Variants in IRAG1 observed in about 807,000 individuals in gnomAD.
IRAG1 encodes IP3R-associated cGMP kinase substrate.
In IRAG1, 62 loss-of-function variants were observed where a neutral mutation model predicts 106.2. The observed-to-expected ratio is 0.58, with a 90% confidence interval of 0.48 to 0.72. The LOEUF (loss-of-function observed/expected upper bound fraction) is 0.72. IRAG1 is among the 30% of genes least tolerant of loss of function. The probability of loss-of-function intolerance (pLI) is 0.00; values close to 1 mark genes in which losing one functional copy is unlikely to be tolerated. For missense variants in IRAG1, 1,064 were observed against 1,140.7 expected, an observed-to-expected ratio of 0.93 and a Z score of 0.97; for synonymous variants, 462 against 443.9, an observed-to-expected ratio of 1.04 and a Z score of -0.51.
In IRAG1 at chr11:10,610,591, C is replaced by G. The variant is rs112656783; in HGVS notation, c.1448-740G>C. 3.3e-5 allele frequency among the ~76,000 whole-genome samples: 5 copies of G among 152,362 alleles called. 1 individual carries two copies. The highest frequency in any genetic ancestry group is 1.2e-4 in the African/African-American group (5 of 41,590). On this transcript the variant is annotated intron_variant, in intron 10 of 20. Transcript: ENST00000423302. ...TCTAGCTCCATTTTTCCAACAAGCT[C>G]ACTGTGCTCCACTGTGGCCCATGGT... is the stretch of plus-strand genomic sequence containing the variant.
intron 15 of IRAG1, among the ~76,000 whole-genome samples, chr11:10,599,166 C>T (rs759379787): frequency 4.6e-5 from 7 of 152,204 alleles, no homozygotes; most frequent in African/African-American, 1.2e-4. Context: ...GTATTCTCCT[C>T]GGAAGTCTGC....
intron 3 of IRAG1, among the ~76,000 whole-genome samples, chr11:10,633,474 C>G (rs12360799): frequency 0.37 from 55,820 of 152,072 alleles, 10,750 homozygotes; most frequent in African/African-American, 0.39. Flanking sequence ...AGACATTCCT[C>G]TACCTGTGAG....
At chr11:10,678,992 T>C (rs1263261688) in intron 1 of IRAG1, among the ~76,000 whole-genome samples, 1 of 152,178 alleles carries the variant, frequency 6.6e-6, no homozygotes, top group Non-Finnish European at 1.5e-5. Flanking sequence ...GAGCTTCCCC[T>C]TCCCTTTCTC....
chr11:10,609,835 G>A lies in IRAG1; in HGVS notation c.1464C>T (p.Leu488=). The change falls in exon 11 of 21, where the codon CTC becomes CTT. Residue 488 remains leucine, a synonymous_variant. Transcript: ENST00000423302. ...AEQEKGLPSE[L]SPAIEEEESK... ...ACTCTTCTTCCTCAATAGCTGGGGA[G>A]AGTTCAGAAGGAAGCCCTGAAAAAA... 1 of 1,613,896 alleles carries A rather than the reference G, an allele frequency of 6.2e-7. No individual in the cohort carries two copies. The highest frequency in any genetic ancestry group is 1.1e-5 in the South Asian group (1 of 91,070).
At chr11:10,667,369 T>C (rs1042130496) in intron 1 of IRAG1, among the ~76,000 whole-genome samples, 9 of 152,062 alleles carry the variant, frequency 5.9e-5, no homozygotes, top group African/African-American at 2.2e-4. Flanking sequence ...GGCTTTGTGG[T>C]TGGGACTGGT....
intron 1 of IRAG1, among the ~76,000 whole-genome samples, chr11:10,682,437 T>C (rs764299205): frequency 1.3e-5 from 2 of 152,226 alleles, no homozygotes; most frequent in Non-Finnish European, 2.9e-5. Flanking sequence ...CAACAGATCC[T>C]TGATGTCTAT....
intron 18 of IRAG1, among the ~76,000 whole-genome samples, chr11:10,588,121 G>C (rs1356299551): frequency 3.3e-5 from 5 of 152,166 alleles, no homozygotes; most frequent in Non-Finnish European, 7.3e-5. Context: ...AATTACCATT[G>C]TCATCAGTGC....
intron 3 of IRAG1, 133 bp from the exon 4 acceptor site, chr11:10,632,194 T>C (rs1402973164): frequency 1.9e-5 from 11 of 583,804 alleles, no homozygotes; most frequent in East Asian, 6.9e-5. Context: ...TTCTTTCTTT[T>C]TTTTTTTTTT....
intron 11 of IRAG1, 40 bp downstream of exon 11, chr11:10,609,688 C>T: frequency 6.2e-7 from 1 of 1,603,024 alleles, no homozygotes; most frequent in East Asian, 2.2e-5. Flanking sequence ...ACAGGGGCCA[C>T]TCGGTACAGG....
At chr11:10,649,682 A>G (rs1858301087) in intron 2 of IRAG1, among the ~76,000 whole-genome samples, 1 of 152,144 alleles carries the variant, frequency 6.6e-6, no homozygotes, top group Non-Finnish European at 1.5e-5. Flanking sequence ...TTCAAAATGC[A>G]TATAGGTACA....
chr11:10,668,115 C>T (rs1859931117), intron 1 of IRAG1, among the ~76,000 whole-genome samples: 1 of 152,256 alleles, frequency 6.6e-6, no homozygotes, highest in Non-Finnish European at 1.5e-5. Context: ...CATCTGTCTC[C>T]ATGAAAGACC....
chr11:10,589,788 G>T (rs545678179), intron 18 of IRAG1, among the ~76,000 whole-genome samples: 2 of 152,308 alleles, frequency 1.3e-5, no homozygotes, highest in South Asian at 4.1e-4. Flanking sequence ...GCACTGGAAA[G>T]GTGATGCCAC....
intron 1 of IRAG1, among the ~76,000 whole-genome samples, chr11:10,670,672 G>A (rs1205630519): frequency 2.0e-5 from 3 of 152,188 alleles, no homozygotes; most frequent in African/African-American, 7.2e-5. Context: ...TGTATTTGGA[G>A]ACAGGGCCTT....
intron 9 of IRAG1, among the ~76,000 whole-genome samples, chr11:10,625,635 C>G (rs528480585): frequency 8.5e-5 from 13 of 152,172 alleles, no homozygotes; most frequent in African/African-American, 3.1e-4. Context: ...GCCACTGACT[C>G]CGGTTGGAGG....
chr11:10,604,978 T>C lies in IRAG1; in HGVS notation c.1603-433A>G, dbSNP rs111517771. ...GTATTGAAAGAAACTCCATGTGAGA[T>C]TTAAGCATTGTTGACGTAAAGCAAA... On this transcript the variant is annotated intron_variant, in intron 12 of 20. Transcript: ENST00000423302. Among the ~76,000 whole-genome samples the C allele has an allele frequency of 1.6e-3, 244 of 152,294 alleles. 2 individuals carry two copies. The highest frequency in any genetic ancestry group is 7.1e-3 in the East Asian group (37 of 5,192).
chr11:10,623,611 G>C (rs1464913429), intron 10 of IRAG1, among the ~76,000 whole-genome samples, 167 bp downstream of exon 10: 3 of 152,194 alleles, frequency 2.0e-5, no homozygotes, highest in Non-Finnish European at 4.4e-5. Context: ...AAGGAGGCAG[G>C]TTTGGAGGTG....
chr11:10,601,082 T>G (rs1267492719), intron 14 of IRAG1, 23 bp from the exon 15 acceptor site: 1 of 1,612,754 alleles, frequency 6.2e-7, no homozygotes, highest in East Asian at 2.2e-5. Context: ...AGCGCATGAG[T>G]GCATGAGGCC....
At chr11:10,609,040 A>C (rs1854719670) in intron 11 of IRAG1, among the ~76,000 whole-genome samples, 1 of 152,178 alleles carries the variant, frequency 6.6e-6, no homozygotes, top group Admixed American at 6.5e-5. Flanking sequence ...GTATGTGGCT[A>C]TCCAGTTGTC....
chr11:10,684,775 T>C (rs1380280765), intron 1 of IRAG1, among the ~76,000 whole-genome samples: 2 of 152,104 alleles, frequency 1.3e-5, no homozygotes, highest in Non-Finnish European at 1.5e-5. Flanking sequence ...TAAATCCTAC[T>C]TTCTCTTAAG....
Sources: allele counts gnomAD v4.1 joint callset (sites outside exome capture counted in the v4.1 genomes callset), GRCh38; gene constraint gnomAD v4.1.1; transcripts MANE v1.5; gene names NCBI Gene and HGNC (gene_info 2026-07-23, HGNC 2026-07-21).